Variants in B4GALT5 observed in about 807,000 individuals in gnomAD.
The protein encoded by B4GALT5 is beta-1,4-galactosyltransferase 5.
Under a neutral mutation model 45.0 loss-of-function variants are expected in B4GALT5, and 11 were observed. The ratio of observed to expected loss-of-function variants is 0.24; its 90% CI spans 0.15 to 0.40. The LOEUF is 0.40. Ranked by LOEUF, B4GALT5 falls within the 10% of genes least tolerant of loss-of-function variation. The probability of loss-of-function intolerance (pLI) is 1.00; values close to 1 mark genes in which losing one functional copy is unlikely to be tolerated. For missense variants in B4GALT5, 337 were observed against 500.2 expected (o/e 0.67, Z 3.11); for synonymous variants, 185 against 182.9 (o/e 1.01, Z -0.09).
At chr20:49,637,825 G>A (rs925059696) in intron 7 of B4GALT5, among the ~76,000 whole-genome samples, 4 of 151,492 alleles carry the variant, frequency 2.6e-5, no homozygotes, top group African/African-American at 9.7e-5. Context: ...TGTAATCCCA[G>A]CTACTCAGGA....
At position 49,633,279 on chromosome 20, in the gene B4GALT5, A is replaced by C. The variant is rs781558618; in HGVS notation, c.*3033T>G. The C allele has an allele frequency of 1.3e-5, 2 of 152,776 alleles. No homozygotes were observed. Among genetic ancestry groups the C allele is most frequent in the Non-Finnish European group, 2.9e-5 (2 of 68,084 alleles). The allele number at this position is 152,776 out of a possible 1,614,324, so 9.5% of individuals were successfully genotyped here. A position where few individuals can be genotyped will look rare whatever the true frequency, so the allele number is the denominator to read the frequency against. ...CAAGAGGACCTATTATGTCAAAATG[A>C]GTATTCTTGCAAATACCCCCCCACC... On this transcript the variant is annotated 3_prime_UTR_variant, in exon 9 of 9. Transcript: ENST00000371711.
At position 49,710,907 on chromosome 20, in the gene B4GALT5, T is replaced by C. The variant is rs541734385; in HGVS notation, c.115+2669A>G. Among the ~76,000 whole-genome samples, 7 of 152,132 alleles carry C rather than the reference T, an allele frequency of 4.6e-5. No individual in the cohort carries two copies. The East Asian group carries it at 1.2e-3, about 25-fold the overall frequency. ...GAGCCTGTGCATCATAGTGAGATCC[T>C]GTCTCTACAAAAAACTGTTTTAAAA... On this transcript the variant is annotated intron_variant, in intron 1 of 8. Coordinates refer to ENST00000371711, the MANE Select transcript of B4GALT5 (RefSeq NM_004776.4).
chr20:49,638,522 C>T (rs2085563205), intron 7 of B4GALT5, among the ~76,000 whole-genome samples: 1 of 152,132 alleles, frequency 6.6e-6, no homozygotes, highest in Non-Finnish European at 1.5e-5. Flanking sequence ...CAGTACAAGC[C>T]TTATGTGATG....
chr20:49,639,614 G>A, intron 7 of B4GALT5, 64 bp downstream of exon 7: 1 of 1,585,060 alleles, frequency 6.3e-7, no homozygotes, highest in Non-Finnish European at 8.6e-7. Flanking sequence ...ATTCCTATCG[G>A]ATAGTATTGG....
At chr20:49,639,359 GGTGTGTGT>G (rs34688851) in intron 7 of B4GALT5, among the ~76,000 whole-genome samples, 3 of 149,326 alleles carry the variant, frequency 2.0e-5, no homozygotes, top group Non-Finnish European at 4.5e-5. Context: ...GGATGTGTGT[GGTGTGTGT>G]GTGTGTGTGT....
At chr20:49,652,987 T>C (rs989199460) in intron 2 of B4GALT5, among the ~76,000 whole-genome samples, 8 of 152,262 alleles carry the variant, frequency 5.3e-5, no homozygotes, top group Admixed American at 1.3e-4. Flanking sequence ...CTGACTGTGC[T>C]AGGTAGACAA....
chr20:49,691,608 C>CT (rs1373967114), intron 1 of B4GALT5, among the ~76,000 whole-genome samples: 4 of 152,104 alleles, frequency 2.6e-5, no homozygotes, highest in Admixed American at 6.5e-5. Context: ...ACCTGACAGT[C>CT]ACTTTGCCTC....
chr20:49,664,421 T>TACACACACAC lies in B4GALT5; in HGVS notation c.116-7729_116-7720dup, dbSNP rs55990435. On this transcript the variant is annotated intron_variant, in intron 1 of 8. Transcript: ENST00000371711. ...TTTTTTTAGAGATGAGGTCTCCAAA[T>TACACACACAC]ACACACACACACACACACACACACA... Among the ~76,000 whole-genome samples the TACACACACAC allele has an allele frequency of 7.4e-3, 958 of 128,876 alleles. 9 individuals carry two copies. Among genetic ancestry groups the TACACACACAC allele is most frequent in the African/African-American group, 0.016 (559 of 33,986 alleles). The allele number at this position is 128,876 out of a possible 152,430, so 84.5% of individuals were successfully genotyped here.
At chr20:49,690,983 G>A (rs2085808202) in intron 1 of B4GALT5, among the ~76,000 whole-genome samples, 1 of 152,120 alleles carries the variant, frequency 6.6e-6, no homozygotes, top group Admixed American at 6.5e-5. Flanking sequence ...GGCTCTAACT[G>A]GCAGACAGAT....
rs940550337 is a variant in B4GALT5 at position 49,713,817 on chromosome 20, C to G, written c.-127G>C. 1 of 157,378 alleles carries G rather than the reference C, an allele frequency of 6.4e-6. No homozygotes were observed. Among genetic ancestry groups the G allele is most frequent in the African/African-American group, 2.4e-5 (1 of 40,932 alleles). 9.7% of individuals were successfully genotyped at this position (157,378 alleles called of 1,614,324 possible). ...ACCGCCTCCCGGGCCTCGCGGGCCG[C>G]CACTCGCCGCCGCCGCCGCCTCGCC... On this transcript the variant is annotated 5_prime_UTR_variant, in exon 1 of 9. Coordinates refer to ENST00000371711, the MANE Select transcript of B4GALT5 (RefSeq NM_004776.4).
At chr20:49,694,645 AGGG>A (rs2085830327) in intron 1 of B4GALT5, among the ~76,000 whole-genome samples, 1 of 142,998 alleles carries the variant, frequency 7.0e-6, no homozygotes, top group Non-Finnish European at 1.5e-5. Flanking sequence ...GAGAAGGGAA[AGGG>A]AAAGGGAAAA....
intron 1 of B4GALT5, among the ~76,000 whole-genome samples, chr20:49,658,901 A>T (rs2085654079): frequency 6.6e-6 from 1 of 152,194 alleles, no homozygotes; most frequent in Non-Finnish European, 1.5e-5. Flanking sequence ...TTGAGTACTT[A>T]ATTACATAAT....
intron 1 of B4GALT5, among the ~76,000 whole-genome samples, chr20:49,679,381 C>A (rs145606432): frequency 6.6e-6 from 1 of 152,008 alleles, no homozygotes; most frequent in African/African-American, 2.4e-5. Flanking sequence ...GTCTTTCCTA[C>A]AATACCGAAA....
intron 3 of B4GALT5, among the ~76,000 whole-genome samples, chr20:49,645,517 G>A (rs142267120): frequency 0.02 from 2,971 of 152,226 alleles, 105 homozygotes; most frequent in African/African-American, 0.069. Flanking sequence ...GAGAGGCTGA[G>A]GTGGGCGGAT....
At position 49,640,557 on chromosome 20, in the gene B4GALT5, G is replaced by T; in HGVS notation, c.715C>A (p.Pro239Thr). Residue 239 changes from proline to threonine, a missense_variant, in exon 6 of 9, where the codon CCG (proline) becomes ACG (threonine). Coordinates refer to ENST00000371711, the MANE Select transcript of B4GALT5 (RefSeq NM_004776.4). Reference sequence around the variant, plus strand: ...CCATAATAGTTGCGATCACTTTCCGGTATGTGATCTACATCATGAAAAATC... The same window carrying T: ...CCATAATAGTTGCGATCACTTTCCGTTATGTGATCTACATCATGAAAAATC... ...CLIFHDVDHI[P>T]ESDRNYYGCG... 1 of 1,613,782 alleles carries T rather than the reference G, an allele frequency of 6.2e-7. No homozygotes were observed. Among genetic ancestry groups the T allele is most frequent in the Non-Finnish European group, 8.5e-7 (1 of 1,179,932 alleles).
chr20:49,643,267 C>T (rs769113863), intron 4 of B4GALT5, among the ~76,000 whole-genome samples: 10 of 152,200 alleles, frequency 6.6e-5, no homozygotes, highest in Admixed American at 2.6e-4. Flanking sequence ...AGACCACCAA[C>T]GCCCTCATCC....
intron 1 of B4GALT5, among the ~76,000 whole-genome samples, chr20:49,699,367 C>G (rs1211273188): frequency 9.6e-5 from 9 of 93,774 alleles, no homozygotes; most frequent in East Asian, 3.3e-4. Flanking sequence ...CCTAAATGGG[C>G]AAAAAAAAAA....
rs1481119684 is a variant in B4GALT5 at position 49,713,593 on chromosome 20, T to C, written c.98A>G (p.Tyr33Cys). The change falls in exon 1 of 9, where the codon TAT becomes TGT. Residue 33 changes from tyrosine to cysteine, a missense_variant. Physicochemically the swap from Tyr to Cys is radical, Grantham distance 194 (BLOSUM62 -2). This residue lies in a region of B4GALT5 where 174 missense variants were observed against 207.4 expected (regional missense o/e 0.84). Transcript: ENST00000371711. ...SLSSSLLYFV[Y>C]VAPGIVNTYL... ...CTTCCTACCTATGCCGGGCGCCACA[T>C]AGACGAAGTACAGCAGCGAGGACGA... 16 of 1,587,274 alleles carry C rather than the reference T, an allele frequency of 1.0e-5. No individual in the cohort carries two copies. The highest frequency in any genetic ancestry group is 1.4e-5 in the African/African-American group (1 of 73,836).
intron 1 of B4GALT5, among the ~76,000 whole-genome samples, chr20:49,672,811 A>G (rs1262378901): frequency 6.6e-6 from 1 of 152,200 alleles, no homozygotes; most frequent in Non-Finnish European, 1.5e-5. Context: ...GGATTTAAAA[A>G]AGAAAACAAA....
Sources: gnomAD v4.1 joint callset for allele counts (sites outside exome capture counted in the v4.1 genomes callset) on GRCh38, gnomAD v4.1.1 for gene constraint, gnomAD v4.1.1 regional missense constraint, MANE v1.5 for transcripts, NCBI Gene and HGNC (gene_info 2026-07-23, HGNC 2026-07-21) for gene names.